Variants in RNF20 observed in about 807,000 individuals in gnomAD.
The protein encoded by RNF20 is ring finger protein 20.
Under a neutral mutation model 126.2 loss-of-function variants are expected in RNF20, and 84 were observed. The observed-to-expected ratio is 0.67, with a 90% confidence interval of 0.56 to 0.80. The LOEUF is 0.80. Ranked by LOEUF, RNF20 falls within the 30% of genes least tolerant of loss-of-function variation. The probability of loss-of-function intolerance (pLI) is 0.00; values close to 1 mark genes in which losing one functional copy is unlikely to be tolerated. For missense variants in RNF20, 869 were observed against 1,188.2 expected (o/e 0.73, Z 3.95); for synonymous variants, 400 against 414.3 (o/e 0.97, Z 0.42).
At chr9:101,554,652 GT>G (rs758518219) in intron 14 of RNF20, 41 bp from the exon 15 acceptor site, 142 of 1,571,898 alleles carry the variant, frequency 9.0e-5, no homozygotes, top group Non-Finnish European at 1.2e-4. Context: ...TTGAAAATGT[GT>G]TATAACTTTT....
rs1396346407 is a variant in RNF20, at chr9:101,541,025, C to A, written c.628+50C>A. 2.1e-6 allele frequency: 3 copies of A among 1,413,756 alleles called. No individual in the cohort carries two copies. The African/African-American group carries it at 4.3e-5, about 20-fold the overall frequency. 87.6% of individuals were successfully genotyped at this position (1,413,756 alleles called of 1,614,324 possible). A position where few individuals can be genotyped will look rare whatever the true frequency, so the allele number is the denominator to read the frequency against. On this transcript the variant is annotated intron_variant, in intron 5 of 19. Transcript: ENST00000389120. The stretch of plus-strand genomic sequence containing the variant: ...GAGTAGTGGAGGAGGAATAAGAATT[C>A]ATTTTTGCATGCTAATTTGTAGTTT...
At chr9:101,561,343 G>A in intron 18 of RNF20, 113 bp downstream of exon 18, 1 of 1,172,258 alleles carries the variant, frequency 8.5e-7, no homozygotes, top group Non-Finnish European at 1.2e-6. Flanking sequence ...CTAGACTTGA[G>A]GAAGTTTGTT....
chr9:101,552,897 A>G (rs1020398646), intron 13 of RNF20, 144 bp downstream of exon 13: 3 of 848,940 alleles, frequency 3.5e-6, no homozygotes, highest in Non-Finnish European at 5.4e-6. Flanking sequence ...AGTCGTGTTC[A>G]AGTGCACAGC....
At chr9:101,549,434 A>G (rs1827406241) in intron 9 of RNF20, among the ~76,000 whole-genome samples, 1 of 152,202 alleles carries the variant, frequency 6.6e-6, no homozygotes, top group African/African-American at 2.4e-5. Flanking sequence ...AGGCAGAGTC[A>G]GGTGTACAGG....
chr9:101,561,642 A>C (rs1011394202), intron 18 of RNF20, among the ~76,000 whole-genome samples: 1 of 152,224 alleles, frequency 6.6e-6, no homozygotes, highest in African/African-American at 2.4e-5. Context: ...AAAACAAAAT[A>C]GACTGTCCTC....
intron 15 of RNF20, among the ~76,000 whole-genome samples, chr9:101,555,576 G>A (rs747065201): frequency 4.6e-5 from 7 of 152,108 alleles, no homozygotes; most frequent in Non-Finnish European, 8.8e-5. Context: ...GTGAGATGGA[G>A]TAGGTTTAAT....
At chr9:101,558,595 C>T (rs1471055042) in intron 16 of RNF20, among the ~76,000 whole-genome samples, 2 of 152,120 alleles carry the variant, frequency 1.3e-5, no homozygotes, top group African/African-American at 4.8e-5. Flanking sequence ...TGATTATGGC[C>T]ATTCCTGCAA....
At chr9:101,547,022 A>G (rs1205841498) in intron 7 of RNF20, 56 bp downstream of exon 7, 7 of 1,608,934 alleles carry the variant, frequency 4.4e-6, no homozygotes, top group Non-Finnish European at 6.0e-6. Context: ...TGTTCTCAGG[A>G]AGACTCACCT....
chr9:101,540,734 T>C (rs1267061597), intron 4 of RNF20, 59 bp from the exon 5 acceptor site: 17 of 1,590,284 alleles, frequency 1.1e-5, no homozygotes, highest in South Asian at 5.6e-5. Flanking sequence ...AAAAAATGGA[T>C]TTTGTTATTT....
chr9:101,546,176 C>T (rs754326540), intron 6 of RNF20, among the ~76,000 whole-genome samples: 18 of 152,120 alleles, frequency 1.2e-4, no homozygotes, highest in Non-Finnish European at 2.1e-4. Context: ...ATTTTTGTGT[C>T]ATGTTTTAAA....
Position 101,535,552 on chromosome 9 carries a change from G to T in RNF20, c.129G>T (p.Thr43=). ...TTAAGCTAGGAGGTGTCTCTTCAACGGTATGAGGAAACAGTGCCATGAAAG... is the reference window on the plus strand; with the variant it reads ...TTAAGCTAGGAGGTGTCTCTTCAACTGTATGAGGAAACAGTGCCATGAAAG... ...ETIKLGGVSS[T]EELDIRTLQT... is the part of the protein sequence containing the mutation. Residue 43 remains threonine (T), a splice_region_variant and synonymous_variant, in exon 2 of 20, where the codon ACG becomes ACT. Transcript: ENST00000389120. 1.2e-6 allele frequency: 2 copies of T among 1,606,954 alleles called. No individual in the cohort carries two copies. The highest frequency in any genetic ancestry group is 1.7e-6 in the Non-Finnish European group (2 of 1,177,048).
At chr9:101,552,949 TC>T (rs1827474248) in intron 13 of RNF20, among the ~76,000 whole-genome samples, 196 bp downstream of exon 13, 4 of 152,160 alleles carry the variant, frequency 2.6e-5, no homozygotes, top group Non-Finnish European at 5.9e-5. Context: ...GGTTCAGTGA[TC>T]GAGTATCAGC....
intron 11 of RNF20, 61 bp from the exon 12 acceptor site, chr9:101,552,080 C>G: frequency 6.2e-7 from 1 of 1,605,386 alleles, no homozygotes; most frequent in Non-Finnish European, 8.5e-7. Flanking sequence ...TCTGTTCTTT[C>G]TCTCCTTGTG....
At chr9:101,541,329 A>G (rs1827257335) in intron 5 of RNF20, among the ~76,000 whole-genome samples, 1 of 152,224 alleles carries the variant, frequency 6.6e-6, no homozygotes, top group African/African-American at 2.4e-5. Context: ...TGGCCTCCCA[A>G]AGTGTTAGGA....
At chr9:101,543,238 A>T (rs903214460) in intron 5 of RNF20, among the ~76,000 whole-genome samples, 1 of 152,250 alleles carries the variant, frequency 6.6e-6, no homozygotes, top group Admixed American at 6.5e-5. Context: ...CTATAAATTC[A>T]TCTAACCCTG....
At chr9:101,552,118 A>G in intron 11 of RNF20, 23 bp from the exon 12 acceptor site, 2 of 1,613,908 alleles carry the variant, frequency 1.2e-6, no homozygotes, top group Non-Finnish European at 1.7e-6. Context: ...GTTCCTCATA[A>G]CATTGTTGTT....
chr9:101,554,940 T>C, intron 15 of RNF20, 97 bp downstream of exon 15: 1 of 916,466 alleles, frequency 1.1e-6, no homozygotes, highest in Non-Finnish European at 1.5e-6. Flanking sequence ...TTGGTCTTTT[T>C]TTGATTGTTA....
chr9:101,549,165 G>A (rs561136550), intron 9 of RNF20, among the ~76,000 whole-genome samples: 245 of 152,256 alleles, frequency 1.6e-3, no homozygotes, highest in African/African-American at 5.7e-3. Context: ...ACCAAGTTGC[G>A]GAGACCGGTA....
intron 2 of RNF20, among the ~76,000 whole-genome samples, chr9:101,536,808 T>C (rs1827192347): frequency 1.3e-5 from 2 of 152,272 alleles, no homozygotes; most frequent in Middle Eastern, 3.4e-3. Flanking sequence ...AATGAGGAGT[T>C]AGTGGATAGT....
Sources: gnomAD v4.1 joint callset for allele counts (sites outside exome capture counted in the v4.1 genomes callset) on GRCh38, gnomAD v4.1.1 for gene constraint, MANE v1.5 for transcripts, NCBI Gene and HGNC (gene_info 2026-07-23, HGNC 2026-07-21) for gene names.